GRID2: variants seen among roughly 807,000 people sequenced by gnomAD.
GRID2 encodes the protein glutamate receptor ionotropic, delta-2.
GRID2 carries 33 observed loss-of-function variants against 114.8 expected under a neutral mutation model. The observed-to-expected ratio is 0.29, with a 90% CI of 0.22 to 0.38. The LOEUF (loss-of-function observed/expected upper bound fraction) is 0.38, where lower values mean the gene tolerates loss of function less well. Among genes scored for constraint, GRID2 ranks in the 10% least tolerant of loss-of-function variants. GRID2 has a pLI of 1.00. For synonymous variants in GRID2, 505 were observed against 449.9 expected (o/e 1.12, Z -1.55); for missense variants, 1,184 against 1,257.7 (o/e 0.94, Z 0.89).
intron 2 of GRID2, among the ~76,000 whole-genome samples, chr4:92,663,507 T>C (rs1442366222): frequency 1.3e-5 from 2 of 151,230 alleles, no homozygotes; most frequent in East Asian, 3.9e-4. Context: ...TTACTAAAAT[T>C]AGTTGTCTAG....
At chr4:93,300,862 G>A (rs111247503) in intron 8 of GRID2, among the ~76,000 whole-genome samples, 8,229 of 152,254 alleles carry the variant, frequency 0.054, 751 homozygotes, top group African/African-American at 0.19. Context: ...CAGGCAGTAC[G>A]TGACAGGGGC....
At chr4:93,272,776 T>C (rs981565215) in intron 8 of GRID2, among the ~76,000 whole-genome samples, 3 of 152,146 alleles carry the variant, frequency 2.0e-5, no homozygotes, top group African/African-American at 7.2e-5. Flanking sequence ...AGAGCTAGGG[T>C]GGCAGTCGAC....
intron 4 of GRID2, among the ~76,000 whole-genome samples, chr4:93,134,568 A>G (rs1396227193): frequency 6.6e-6 from 1 of 152,176 alleles, no homozygotes; most frequent in African/African-American, 2.4e-5. Flanking sequence ...TTGAGTTTAA[A>G]TTGAATTTCT....
intron 2 of GRID2, among the ~76,000 whole-genome samples, chr4:92,794,004 G>A (rs1040818393): frequency 6.6e-6 from 1 of 151,924 alleles, no homozygotes; most frequent in African/African-American, 2.4e-5. Context: ...TAGAGTGTAG[G>A]GGCAGCAAGA....
At chr4:92,722,578 C>T (rs1319330175) in intron 2 of GRID2, among the ~76,000 whole-genome samples, 1 of 151,906 alleles carries the variant, frequency 6.6e-6, no homozygotes, top group East Asian at 1.9e-4. Context: ...CTAAGTGTGG[C>T]CCAGTTAACA....
At chr4:92,960,897 A>G (rs988640532) in intron 2 of GRID2, among the ~76,000 whole-genome samples, 6 of 151,838 alleles carry the variant, frequency 4.0e-5, no homozygotes, top group South Asian at 2.1e-4. Context: ...ATCTTAGCAT[A>G]TCAGTTATAT....
chr4:93,677,111 C>G (rs79294710), intron 14 of GRID2, among the ~76,000 whole-genome samples: 1 of 152,176 alleles, frequency 6.6e-6, no homozygotes, highest in Non-Finnish European at 1.5e-5. Flanking sequence ...AGGAAATGGC[C>G]CACCAGGAGA....
intron 2 of GRID2, among the ~76,000 whole-genome samples, chr4:92,715,643 C>T (rs755350624): frequency 6.6e-5 from 10 of 152,046 alleles, no homozygotes; most frequent in Admixed American, 1.3e-4. Context: ...TGGTGGCAGA[C>T]GAGTGAAGAG....
intron 2 of GRID2, among the ~76,000 whole-genome samples, chr4:92,804,300 C>A (rs193270818): frequency 4.0e-4 from 61 of 152,016 alleles, no homozygotes; most frequent in Middle Eastern, 3.4e-3. Context: ...TTTTACAAAA[C>A]ATTTCAAAGG....
chr4:93,506,881 A>G (rs923904962), intron 12 of GRID2, among the ~76,000 whole-genome samples: 3 of 152,182 alleles, frequency 2.0e-5, no homozygotes, highest in African/African-American at 4.8e-5. Flanking sequence ...CTCTGGCACC[A>G]TAACAGGAAG....
intron 2 of GRID2, among the ~76,000 whole-genome samples, chr4:92,995,393 A>G (rs1356968648): frequency 6.6e-6 from 1 of 152,134 alleles, no homozygotes; most frequent in Non-Finnish European, 1.5e-5. Flanking sequence ...ACTGGCACAC[A>G]CTGTGTTAGA....
intron 8 of GRID2, among the ~76,000 whole-genome samples, chr4:93,364,553 C>G (rs114762214): frequency 6.6e-6 from 1 of 152,008 alleles, no homozygotes; most frequent in African/African-American, 2.4e-5. Context: ...CTCACCGTAA[C>G]GTTCAACTCC....
chr4:92,734,218 C>G (rs1736476711), intron 2 of GRID2, among the ~76,000 whole-genome samples: 1 of 151,940 alleles, frequency 6.6e-6, no homozygotes, highest in African/African-American at 2.4e-5. Flanking sequence ...AATTACTTAA[C>G]TTTCTTAAGA....
chr4:93,283,509 T>C (rs1246665282), intron 8 of GRID2, among the ~76,000 whole-genome samples: 2 of 151,998 alleles, frequency 1.3e-5, no homozygotes, highest in Non-Finnish European at 2.9e-5. Flanking sequence ...TAACAAAATA[T>C]CTGAGAATGA....
At chr4:92,388,674 C>G (rs189455097) in intron 1 of GRID2, among the ~76,000 whole-genome samples, 21 of 152,050 alleles carry the variant, frequency 1.4e-4, no homozygotes, top group Admixed American at 2.6e-4. Context: ...TTGAGAACTC[C>G]CTACTTCCGT....
intron 11 of GRID2, among the ~76,000 whole-genome samples, chr4:93,463,922 G>A (rs1724013593): frequency 6.6e-6 from 1 of 152,050 alleles, no homozygotes; most frequent in Admixed American, 6.5e-5. Context: ...CTGGGAGGTG[G>A]AGCTTGCAGT....
At chr4:92,470,924 G>A (rs1346822372) in intron 1 of GRID2, among the ~76,000 whole-genome samples, 1 of 151,886 alleles carries the variant, frequency 6.6e-6, no homozygotes, top group Non-Finnish European at 1.5e-5. Flanking sequence ...GTCTAATTTT[G>A]AGCAATGTAC....
At chr4:92,931,299 A>G (rs763267804) in intron 2 of GRID2, among the ~76,000 whole-genome samples, 3 of 151,040 alleles carry the variant, frequency 2.0e-5, no homozygotes, top group African/African-American at 7.3e-5. Flanking sequence ...TTTATGTTTT[A>G]AAAAGGTAAG....
rs146548338 is a variant in GRID2 at position 93,132,673 on chromosome 4, TA to T, written c.735+21724del. On this transcript the variant is annotated intron_variant, in intron 4 of 15. Transcript: ENST00000282020. Reference sequence around the variant, plus strand: ...TGTTAAAACATAAAAGATGAAAGGCTAAAATGTAATTCTAATTGGCAAAGGA... The same window carrying T: ...TGTTAAAACATAAAAGATGAAAGGCTAAATGTAATTCTAATTGGCAAAGGA... 7.0e-3 allele frequency among the ~76,000 whole-genome samples: 1,062 copies of T among 152,298 alleles called. 3 individuals carry two copies. Among genetic ancestry groups the T allele is most frequent in the Non-Finnish European group, 0.011 (749 of 68,030 alleles).
Sources: gnomAD v4.1 joint callset for allele counts (sites outside exome capture counted in the v4.1 genomes callset) on GRCh38, gnomAD v4.1.1 for gene constraint, MANE v1.5 for transcripts, NCBI Gene and HGNC (gene_info 2026-07-23, HGNC 2026-07-21) for gene names.